The following NRXN3 variants were observed in gnomAD, a reference collection of about 807,000 sequenced individuals.
NRXN3 encodes the protein neurexin III.
NRXN3 carries 32 observed loss-of-function variants against 137.6 expected under a neutral mutation model. That is an observed-to-expected ratio of 0.23 (90% CI 0.18 to 0.31). NRXN3 has a LOEUF of 0.31. NRXN3 is among the 10% of genes least tolerant of loss of function. NRXN3 has a pLI of 1.00. For synonymous variants in NRXN3, 798 were observed against 784.5 expected (o/e 1.02, Z -0.29); for missense variants, 1,574 against 2,062.5 (o/e 0.76, Z 4.59).
chr14:79,008,169 T>C (rs891912498), intron 15 of NRXN3, among the ~76,000 whole-genome samples: 2 of 152,242 alleles, frequency 1.3e-5, no homozygotes, highest in African/African-American at 4.8e-5. Flanking sequence ...AAACCATTTC[T>C]ACAAATCAAC....
At chr14:79,857,912 T>C (rs2099406213) in intron 20 of NRXN3, among the ~76,000 whole-genome samples, 1 of 152,184 alleles carries the variant, frequency 6.6e-6, no homozygotes, top group Non-Finnish European at 1.5e-5. Flanking sequence ...GGGTATCATT[T>C]ATCATTTTTA....
intron 10 of NRXN3, among the ~76,000 whole-genome samples, chr14:78,869,507 G>T (rs2099096192): frequency 1.3e-5 from 2 of 151,920 alleles, no homozygotes; most frequent in Non-Finnish European, 2.9e-5. Flanking sequence ...CCTTACCTGT[G>T]CCACCTCCTC....
At chr14:79,565,075 G>C (rs1387695601) in intron 16 of NRXN3, among the ~76,000 whole-genome samples, 2 of 151,830 alleles carry the variant, frequency 1.3e-5, no homozygotes. Flanking sequence ...AAACCAAGCA[G>C]CATCAGCTGT....
At chr14:78,356,044 C>G (rs2084256447) in intron 4 of NRXN3, among the ~76,000 whole-genome samples, 1 of 152,204 alleles carries the variant, frequency 6.6e-6, no homozygotes, top group South Asian at 2.1e-4. Context: ...TAACTTAGTT[C>G]TGGAGAATGT....
intron 4 of NRXN3, among the ~76,000 whole-genome samples, chr14:78,325,336 G>A (rs914038710): frequency 4.6e-5 from 7 of 151,916 alleles, no homozygotes; most frequent in African/African-American, 1.7e-4. Flanking sequence ...GTGTGATAGG[G>A]TCAGAGGCAG....
chr14:79,853,331 G>T (rs945837899), intron 20 of NRXN3, among the ~76,000 whole-genome samples: 14 of 152,072 alleles, frequency 9.2e-5, no homozygotes, highest in Admixed American at 6.6e-4. Flanking sequence ...TATGTATTTT[G>T]GCTATTTTTA....
chr14:79,787,963 G>A (rs2140233793), intron 19 of NRXN3, among the ~76,000 whole-genome samples: 1 of 152,162 alleles, frequency 6.6e-6, no homozygotes, highest in Non-Finnish European at 1.5e-5. Flanking sequence ...GACTCCTGGT[G>A]TGTTAGTCTA....
At position 79,531,945 on chromosome 14, in the gene NRXN3, TCATCCATGTGTC is replaced by T. The variant is rs753606511; in HGVS notation, c.3444+64545_3444+64556del. Among the ~76,000 whole-genome samples the T allele has an allele frequency of 1.1e-3, 172 of 152,318 alleles. 1 individual carries two copies. Among genetic ancestry groups the T allele is most frequent in the Non-Finnish European group, 2.1e-3 (143 of 68,018 alleles). ...AGTGAGCAGAAATTATTCTCGTCAA[TCATCCATGTGTC>T]CCTCTATATCCTTCACCTTTATTGC... On this transcript the variant is annotated intron_variant, in intron 16 of 20. Transcript: ENST00000335750.
At chr14:79,387,429 C>T (rs1331185760) in intron 15 of NRXN3, among the ~76,000 whole-genome samples, 10 of 151,820 alleles carry the variant, frequency 6.6e-5, no homozygotes, top group Non-Finnish European at 1.3e-4. Flanking sequence ...GTTAGAATGG[C>T]GATCATTAAA....
At position 78,874,172 on chromosome 14, in the gene NRXN3, A is replaced by G. The variant is rs118108754; in HGVS notation, c.2275+63828A>G. 3.3e-5 allele frequency among the ~76,000 whole-genome samples: 5 copies of G among 152,082 alleles called. No homozygotes were observed. In the South Asian group the frequency reaches 6.2e-4, roughly 19 times the overall value. The stretch of plus-strand genomic sequence containing the variant: ...TTTTTAGTAGAGATAGGATATCACC[A>G]TGTTGGCCAGGCTGGTCTTGAACTC... On this transcript the variant is annotated intron_variant, in intron 10 of 20. Coordinates refer to ENST00000335750, the MANE Select transcript of NRXN3 (RefSeq NM_001330195.2).
chr14:78,563,303 A>G (rs2096804620), intron 4 of NRXN3, among the ~76,000 whole-genome samples: 1 of 152,232 alleles, frequency 6.6e-6, no homozygotes, highest in African/African-American at 2.4e-5. Flanking sequence ...AAAGGGAAAT[A>G]TTAGGAGTCA....
At chr14:79,471,767 T>A (rs1359388128) in intron 16 of NRXN3, among the ~76,000 whole-genome samples, 1 of 152,104 alleles carries the variant, frequency 6.6e-6, no homozygotes, top group Non-Finnish European at 1.5e-5. Flanking sequence ...GTGTCCTAGA[T>A]TGAGTAACTG....
chr14:79,102,085 A>T (rs535387612), intron 15 of NRXN3, among the ~76,000 whole-genome samples: 1 of 152,164 alleles, frequency 6.6e-6, no homozygotes, highest in Non-Finnish European at 1.5e-5. Flanking sequence ...TGCTCTGCTC[A>T]TGTCTTGATT....
intron 15 of NRXN3, among the ~76,000 whole-genome samples, chr14:79,139,612 C>A (rs2058599157): frequency 6.6e-6 from 1 of 152,014 alleles, no homozygotes; most frequent in Admixed American, 6.6e-5. Context: ...GTCACTAAAG[C>A]CCTACATTGA....
At chr14:79,053,059 A>G (rs1457502017) in intron 15 of NRXN3, among the ~76,000 whole-genome samples, 1 of 152,192 alleles carries the variant, frequency 6.6e-6, no homozygotes, top group East Asian at 1.9e-4. Context: ...CATTGATTTA[A>G]AACTCATCAT....
At chr14:78,988,436 G>T in intron 15 of NRXN3, 1 of 378,572 alleles carries the variant, frequency 2.6e-6, no homozygotes. Flanking sequence ...CAATATTTTT[G>T]TTGTAAGGGC....
In NRXN3 at chr14:78,847,299, C is replaced by T. The variant is rs186702491; in HGVS notation, c.2275+36955C>T. 1.5e-3 allele frequency among the ~76,000 whole-genome samples: 229 copies of T among 152,210 alleles called. 3 individuals are homozygous for T. Among genetic ancestry groups the T allele is most frequent in the African/African-American group, 5.3e-3 (219 of 41,546 alleles). On this transcript the variant is annotated intron_variant, in intron 10 of 20. Coordinates refer to ENST00000335750, the MANE Select transcript of NRXN3 (RefSeq NM_001330195.2). ...CTGAAAAAATGTGCCCAACCTGCCA[C>T]GGCTTGTGACTGAATTATAAACCAT... is the stretch of plus-strand genomic sequence containing the variant.
intron 6 of NRXN3, among the ~76,000 whole-genome samples, chr14:78,660,436 C>T (rs1048823093): frequency 1.3e-5 from 2 of 152,034 alleles, no homozygotes; most frequent in Non-Finnish European, 2.9e-5. Flanking sequence ...ATTAGAGACT[C>T]CTATTCACCT....
intron 1 of NRXN3, among the ~76,000 whole-genome samples, chr14:78,198,902 C>T (rs1034790557): frequency 6.6e-6 from 1 of 152,118 alleles, no homozygotes; most frequent in Non-Finnish European, 1.5e-5. Flanking sequence ...TAGCTTGGTT[C>T]ATGGCTGGCA....
Sources: allele counts gnomAD v4.1 joint callset (sites outside exome capture counted in the v4.1 genomes callset), GRCh38; gene constraint gnomAD v4.1.1; transcripts MANE v1.5; gene names NCBI Gene and HGNC (gene_info 2026-07-23, HGNC 2026-07-21).